The following LARGE1 variants were observed in gnomAD, a reference collection of about 807,000 sequenced individuals.
The protein encoded by LARGE1 is LARGE xylosyl- and glucuronyltransferase 1.
LARGE1 carries 43 observed loss-of-function variants against 87.6 expected under a neutral mutation model. The ratio of observed to expected loss-of-function variants is 0.49; its 90% CI spans 0.38 to 0.63. The LOEUF (loss-of-function observed/expected upper bound fraction) is 0.63, where lower values mean the gene tolerates loss of function less well. Among genes scored for constraint, LARGE1 ranks in the 30% least tolerant of loss-of-function variants. The pLI is 0.00. For synonymous variants in LARGE1, 434 were observed against 394.6 expected (o/e 1.10, Z -1.18); for missense variants, 802 against 1,000.2 (o/e 0.80, Z 2.67).
intron 5 of LARGE1, among the ~76,000 whole-genome samples, chr22:33,594,409 T>C (rs944319254): frequency 6.6e-6 from 1 of 152,084 alleles, no homozygotes. Flanking sequence ...ATCTCTAACA[T>C]CTCACTCCTC....
At chr22:33,394,586 C>T (rs951481381) in intron 7 of LARGE1, among the ~76,000 whole-genome samples, 2 of 152,134 alleles carry the variant, frequency 1.3e-5, no homozygotes, top group African/African-American at 4.8e-5. Context: ...GACAGAATTA[C>T]CTCCATTTTA....
intron 9 of LARGE1, among the ~76,000 whole-genome samples, chr22:33,364,869 A>AT (rs1450494378): frequency 1.3e-5 from 2 of 151,328 alleles, no homozygotes; most frequent in Admixed American, 6.6e-5. Flanking sequence ...CTAATTTTTT[A>AT]TTTTTTGTAG....
At chr22:33,698,391 G>C (rs963911154) in intron 2 of LARGE1, among the ~76,000 whole-genome samples, 1 of 145,874 alleles carries the variant, frequency 6.9e-6, no homozygotes, top group Non-Finnish European at 1.5e-5. Context: ...ACCTCTATCT[G>C]CAAGTTTCAA....
At chr22:33,370,552 T>C (rs373663047) in intron 9 of LARGE1, among the ~76,000 whole-genome samples, 5 of 152,320 alleles carry the variant, frequency 3.3e-5, no homozygotes, top group Admixed American at 6.5e-5. Context: ...ATAATTTGAA[T>C]GCAATCGTTG....
chr22:33,227,956 AGATAAT>A, intron 11 of LARGE1, among the ~76,000 whole-genome samples: 1 of 152,336 alleles, frequency 6.6e-6, no homozygotes, highest in African/African-American at 2.4e-5. Context: ...TCTTCCCCAA[AGATAAT>A]GATGATGATG....
In LARGE1 at chr22:33,226,730, A is replaced by T. The variant is rs981004584; in HGVS notation, c.1731-59898T>A. ...TAAATTATTATTATTATTATTATTTATTATTATTTTTTTTTTTGAGACGGA... is the reference window on the plus strand; with the variant it reads ...TAAATTATTATTATTATTATTATTTTTTATTATTTTTTTTTTTGAGACGGA... On this transcript the variant is annotated intron_variant, in intron 11 of 11. Coordinates refer to the LARGE1 transcript ENST00000608642. 1.2e-4 allele frequency among the ~76,000 whole-genome samples: 13 copies of T among 104,302 alleles called. No homozygotes were observed. In the East Asian group the frequency reaches 1.3e-3, roughly 11 times the overall value. The allele number at this position is 104,302 out of a possible 152,430, so 68.4% of individuals were successfully genotyped here.
chr22:33,351,335 T>C (rs1376054520), intron 9 of LARGE1, among the ~76,000 whole-genome samples: 2 of 152,240 alleles, frequency 1.3e-5, no homozygotes, highest in Non-Finnish European at 1.5e-5. Context: ...GAAGGCATGA[T>C]ATGGTGGCAT....
intron 9 of LARGE1, among the ~76,000 whole-genome samples, chr22:33,343,981 A>T (rs1456425901): frequency 6.6e-6 from 1 of 152,236 alleles, no homozygotes; most frequent in Non-Finnish European, 1.5e-5. Flanking sequence ...GAGGGCAGGA[A>T]GCATCCAGCA....
intron 2 of LARGE1, among the ~76,000 whole-genome samples, chr22:33,676,954 G>A (rs2081600853): frequency 6.6e-6 from 1 of 152,032 alleles, no homozygotes; most frequent in Non-Finnish European, 1.5e-5. Flanking sequence ...CACAAAAGAA[G>A]GAAAATTAAA....
At chr22:33,910,246 G>A (rs979559618) in intron 1 of LARGE1, among the ~76,000 whole-genome samples, 11 of 152,174 alleles carry the variant, frequency 7.2e-5, no homozygotes, top group African/African-American at 2.4e-4. Context: ...TGGAGGAGTC[G>A]TAAGTACTAA....
intron 9 of LARGE1, among the ~76,000 whole-genome samples, chr22:33,355,792 C>T (rs5754533): frequency 0.86 from 100,810 of 116,662 alleles, 45,846 homozygotes; most frequent in South Asian, 0.94. Context: ...TTTACAATGG[C>T]GCTTCCTTTG....
chr22:33,461,958 C>A (rs887294107), intron 6 of LARGE1, among the ~76,000 whole-genome samples: 17 of 152,144 alleles, frequency 1.1e-4, no homozygotes, highest in African/African-American at 4.1e-4. Context: ...CATGAGAGAT[C>A]CCAGAAGACA....
At chr22:33,888,667 G>T (rs1296388546) in intron 1 of LARGE1, among the ~76,000 whole-genome samples, 3 of 152,072 alleles carry the variant, frequency 2.0e-5, no homozygotes, top group African/African-American at 7.2e-5. Context: ...ACCAGCCTGG[G>T]CAACATGGCG....
At chr22:33,363,547 G>A (rs2064464384) in intron 9 of LARGE1, among the ~76,000 whole-genome samples, 1 of 149,460 alleles carries the variant, frequency 6.7e-6, no homozygotes, top group African/African-American at 2.5e-5. Context: ...CACAACACAT[G>A]GGGATTATGG....
At chr22:33,253,263 C>T (rs932241036) in intron 11 of LARGE1, among the ~76,000 whole-genome samples, 3 of 152,182 alleles carry the variant, frequency 2.0e-5, no homozygotes, top group Admixed American at 6.5e-5. Flanking sequence ...CAATTATAAT[C>T]ATATCATAAG....
intron 2 of LARGE1, among the ~76,000 whole-genome samples, chr22:33,731,407 C>T (rs62225405): frequency 0.046 from 6,994 of 152,086 alleles, 254 homozygotes; most frequent in East Asian, 0.21. Flanking sequence ...AAGGGAATAG[C>T]TAGTTGTATT....
intron 1 of LARGE1, among the ~76,000 whole-genome samples, chr22:33,779,435 C>T (rs1480901062): frequency 2.0e-5 from 3 of 152,098 alleles, no homozygotes; most frequent in Non-Finnish European, 4.4e-5. Flanking sequence ...ATCTGGCACC[C>T]AGCAGCTCTA....
chr22:33,763,898 A>C (rs944922264), intron 1 of LARGE1, among the ~76,000 whole-genome samples: 3 of 117,008 alleles, frequency 2.6e-5, no homozygotes, highest in African/African-American at 1.0e-4. Context: ...TCACCAGGCT[A>C]GAGTATAGTG....
At chr22:33,544,495 T>C (rs1315313417) in intron 6 of LARGE1, among the ~76,000 whole-genome samples, 1 of 152,104 alleles carries the variant, frequency 6.6e-6, no homozygotes, top group South Asian at 2.1e-4. Flanking sequence ...GAGACCTGCC[T>C]GGCCAACATG....
Sources: allele counts gnomAD v4.1 joint callset (sites outside exome capture counted in the v4.1 genomes callset), GRCh38; gene constraint gnomAD v4.1.1; transcripts MANE v1.5; gene names NCBI Gene and HGNC (gene_info 2026-07-23, HGNC 2026-07-21).